GULP1: variants seen among roughly 807,000 people sequenced by gnomAD.
The protein encoded by GULP1 is GULP PTB domain containing engulfment adaptor 1.
A neutral mutation model predicts 40.9 loss-of-function variants in GULP1; 19 were observed. That is an observed-to-expected ratio of 0.46 (90% CI 0.32 to 0.68). GULP1 has a LOEUF of 0.68. Among genes scored for constraint, GULP1 ranks in the 30% least tolerant of loss-of-function variants. GULP1 has a pLI of 0.03. For missense variants in GULP1, 312 were observed against 362.2 expected, an observed-to-expected ratio of 0.86 and a Z score of 1.12; for synonymous variants, 119 against 117.6, an observed-to-expected ratio of 1.01 and a Z score of -0.08.
At chr2:188,358,246 A>G (rs370870899) in intron 1 of GULP1, among the ~76,000 whole-genome samples, 9 of 152,166 alleles carry the variant, frequency 5.9e-5, no homozygotes, top group African/African-American at 2.2e-4. Context: ...CCAGAAAGAT[A>G]AATACTGCAT....
intron 4 of GULP1, among the ~76,000 whole-genome samples, chr2:188,499,498 A>G (rs934761135): frequency 1.3e-5 from 2 of 151,630 alleles, no homozygotes; most frequent in African/African-American, 4.8e-5. Context: ...ATACCTTTGC[A>G]AAGTGTCATG....
chr2:188,383,137 G>T (rs936651999), intron 1 of GULP1, among the ~76,000 whole-genome samples: 4 of 152,006 alleles, frequency 2.6e-5, no homozygotes, highest in Non-Finnish European at 5.9e-5. Context: ...TTATGTCAGC[G>T]GTACATTCGA....
At chr2:188,550,739 T>C (rs554337456) in intron 7 of GULP1, among the ~76,000 whole-genome samples, 5 of 151,654 alleles carry the variant, frequency 3.3e-5, no homozygotes, top group Non-Finnish European at 7.4e-5. Flanking sequence ...ATTATAGCCA[T>C]ATTTCACGTT....
intron 4 of GULP1, among the ~76,000 whole-genome samples, chr2:188,507,560 G>A (rs1395533363): frequency 6.6e-6 from 1 of 151,732 alleles, no homozygotes; most frequent in Non-Finnish European, 1.5e-5. Context: ...TCACTTATTT[G>A]TGTATTTTAA....
At chr2:188,572,748 A>G (rs187297071) in intron 9 of GULP1, among the ~76,000 whole-genome samples, 104 of 152,306 alleles carry the variant, frequency 6.8e-4, no homozygotes, top group African/African-American at 2.4e-3. Flanking sequence ...AAGTGAAATA[A>G]GCCATGCACA....
At chr2:188,578,866 A>G (rs191080963) in intron 9 of GULP1, among the ~76,000 whole-genome samples, 66 of 152,240 alleles carry the variant, frequency 4.3e-4, no homozygotes, top group Admixed American at 7.9e-4. Context: ...TTTCTTCTCA[A>G]CAATGTATTT....
chr2:188,538,686 TGTGTGTGA>T (rs1263144752), intron 6 of GULP1, among the ~76,000 whole-genome samples: 11 of 147,384 alleles, frequency 7.5e-5, no homozygotes, highest in African/African-American at 2.4e-4. Context: ...TGTGTGAGTG[TGTGTGTGA>T]GTGTGTGTGT....
At chr2:188,529,499 A>G (rs533573693) in intron 6 of GULP1, among the ~76,000 whole-genome samples, 49 of 152,198 alleles carry the variant, frequency 3.2e-4, no homozygotes, top group Non-Finnish European at 5.9e-4. Flanking sequence ...AGTGTGGTTC[A>G]CTGAGTATGA....
chr2:188,493,339 G>T (rs562301413), intron 4 of GULP1, among the ~76,000 whole-genome samples: 1 of 152,042 alleles, frequency 6.6e-6, no homozygotes, highest in East Asian at 1.9e-4. Flanking sequence ...CCTTGAAGGG[G>T]TCTTACTTTT....
At chr2:188,468,985 G>A (rs1304644259) in intron 2 of GULP1, among the ~76,000 whole-genome samples, 2 of 152,118 alleles carry the variant, frequency 1.3e-5, no homozygotes, top group African/African-American at 4.8e-5. Flanking sequence ...AGGGTGGTGC[G>A]ATTAGGGATA....
chr2:188,522,533 A>G (rs772081831), intron 4 of GULP1, among the ~76,000 whole-genome samples: 1 of 151,286 alleles, frequency 6.6e-6, no homozygotes, highest in Non-Finnish European at 1.5e-5. Flanking sequence ...TTAGAAAACA[A>G]GTATGTTTTT....
At chr2:188,441,524 G>A (rs1337257252) in intron 2 of GULP1, among the ~76,000 whole-genome samples, 1 of 152,122 alleles carries the variant, frequency 6.6e-6, no homozygotes, top group African/African-American at 2.4e-5. Flanking sequence ...GCTCAGACTT[G>A]AGCCTTCTTA....
At position 188,595,701 on chromosome 2, in the gene GULP1, CA is replaced by C. The variant is rs997980651; in HGVS notation, c.*1692del. ...TGGCCATTTATTATCAATGGTAACA[CA>C]ATGGAGTACTAAGATGGTATTTGCA... On this transcript the variant is annotated 3_prime_UTR_variant, in exon 12 of 12. Coordinates refer to ENST00000409830, the MANE Select transcript of GULP1 (RefSeq NM_016315.4). 1 of 151,992 alleles carries C rather than the reference CA, an allele frequency of 6.6e-6. No individual in the cohort carries two copies. The highest frequency in any genetic ancestry group is 1.5e-5 in the Non-Finnish European group (1 of 67,718). 9.4% of individuals were successfully genotyped at this position (151,992 alleles called of 1,614,324 possible). A position where few individuals can be genotyped will look rare whatever the true frequency, so the allele number is the denominator to read the frequency against.
chr2:188,425,494 A>G lies in GULP1; in HGVS notation c.-45+41605A>G, dbSNP rs1038559662. Among the ~76,000 whole-genome samples the G allele has an allele frequency of 3.9e-5, 6 of 152,244 alleles. No homozygotes were observed. The East Asian group carries it at 1.2e-3, about 29-fold the overall frequency. ...GGGGGTTGTAGTTTCCAGTCTTTCA[A>G]TAGTCAGAGTTCTTTTTTCTTTAAG... On this transcript the variant is annotated intron_variant, in intron 2 of 11. Coordinates refer to ENST00000409830, the MANE Select transcript of GULP1 (RefSeq NM_016315.4).
chr2:188,479,304 T>C lies in GULP1; in HGVS notation c.28+1574T>C, dbSNP rs180824163. 3.5e-4 allele frequency among the ~76,000 whole-genome samples: 53 copies of C among 152,250 alleles called. 1 individual carries two copies. In the East Asian group the frequency reaches 9.3e-3, roughly 27 times the overall value. On this transcript the variant is annotated intron_variant, in intron 3 of 11. Transcript: ENST00000409830. Reference sequence around the variant, plus strand: ...AATTTATTATTTTACTTAATTTTCCTGAATAAGGGGAAAGCAAAATGACAT... The same window carrying C: ...AATTTATTATTTTACTTAATTTTCCCGAATAAGGGGAAAGCAAAATGACAT...
intron 1 of GULP1, among the ~76,000 whole-genome samples, chr2:188,375,184 G>A (rs1159071210): frequency 6.6e-6 from 1 of 152,124 alleles, no homozygotes; most frequent in Non-Finnish European, 1.5e-5. Context: ...AGGTATTCCA[G>A]ATTTTACCGA....
At chr2:188,360,036 G>A (rs1030893593) in intron 1 of GULP1, among the ~76,000 whole-genome samples, 2 of 152,082 alleles carry the variant, frequency 1.3e-5, no homozygotes, top group Admixed American at 1.3e-4. Flanking sequence ...TGTAATGTCA[G>A]TTGAACTTCT....
intron 2 of GULP1, among the ~76,000 whole-genome samples, chr2:188,422,024 C>T (rs1049325488): frequency 2.0e-5 from 3 of 148,890 alleles, no homozygotes; most frequent in Non-Finnish European, 3.0e-5. Flanking sequence ...GTTAAAAATC[C>T]AAAATTAAAA....
intron 2 of GULP1, among the ~76,000 whole-genome samples, chr2:188,408,969 A>G (rs966311856): frequency 1.3e-5 from 2 of 152,190 alleles, no homozygotes; most frequent in African/African-American, 4.8e-5. Flanking sequence ...CAATATACCA[A>G]AACTTATGGA....
Sources: allele counts gnomAD v4.1 joint callset (sites outside exome capture counted in the v4.1 genomes callset), GRCh38; gene constraint gnomAD v4.1.1; transcripts MANE v1.5; gene names NCBI Gene and HGNC (gene_info 2026-07-23, HGNC 2026-07-21).